LRRK1: variants seen among roughly 807,000 people sequenced by gnomAD.
LRRK1 encodes the protein leucine rich repeat kinase 1, also known as leucine-rich repeat serine/threonine-protein kinase 1.
LRRK1 carries 113 observed loss-of-function variants against 209.1 expected under a neutral mutation model. The observed-to-expected ratio is 0.54, with a 90% CI of 0.46 to 0.63. The LOEUF (loss-of-function observed/expected upper bound fraction) is 0.63, where lower values mean the gene tolerates loss of function less well. Ranked by LOEUF, LRRK1 falls within the 30% of genes least tolerant of loss-of-function variation. The pLI is 0.00. For synonymous variants in LRRK1, 1,144 were observed against 1,099.7 expected (o/e 1.04, Z -0.80); for missense variants, 2,284 against 2,632.2 (o/e 0.87, Z 2.89).
chr15:101,062,526 A>C, intron 30 of LRRK1, 48 bp from the exon 31 acceptor site: 2 of 1,334,220 alleles, frequency 1.5e-6, no homozygotes, highest in Non-Finnish European at 2.2e-6. Context: ...GGGAAATGCC[A>C]GACACTTTCC....
chr15:100,924,426 A>T (rs2042072727), intron 1 of LRRK1, 85 bp from the exon 2 acceptor site: 1 of 571,900 alleles, frequency 1.7e-6, no homozygotes, highest in East Asian at 2.9e-5. Context: ...GCAGAGGGAA[A>T]ACTAAATGAA....
chr15:101,002,726 C>A (rs1481573857), intron 6 of LRRK1, among the ~76,000 whole-genome samples: 1 of 150,430 alleles, frequency 6.6e-6, no homozygotes, highest in East Asian at 1.9e-4. Context: ...GCATGAACAT[C>A]TTTTTATTTA....
intron 2 of LRRK1, among the ~76,000 whole-genome samples, chr15:100,960,457 T>C (rs2029877341): frequency 6.6e-6 from 1 of 152,180 alleles, no homozygotes; most frequent in South Asian, 2.1e-4. Flanking sequence ...ATCTTCGAAT[T>C]GTACCATTTT....
intron 2 of LRRK1, among the ~76,000 whole-genome samples, chr15:100,927,052 C>G (rs1183474099): frequency 6.6e-6 from 1 of 152,188 alleles, no homozygotes; most frequent in African/African-American, 2.4e-5. Flanking sequence ...ATCAGGCCAT[C>G]TAAATGGTTT....
chr15:100,962,823 A>T (rs28536629), intron 2 of LRRK1, among the ~76,000 whole-genome samples: 602 of 11,488 alleles, frequency 0.052, 77 homozygotes, highest in African/African-American at 0.13. Context: ...ATATATATAT[A>T]TTTTTTTTTT....
chr15:100,985,002 G>C (rs1302169384), intron 4 of LRRK1, among the ~76,000 whole-genome samples: 35 of 152,222 alleles, frequency 2.3e-4, no homozygotes, highest in Non-Finnish European at 1.5e-5. Context: ...AATGTTTCAT[G>C]ATTTTTAAAC....
chr15:101,008,893 C>T lies in LRRK1; in HGVS notation c.819C>T (p.Leu273=), dbSNP rs764516618. ...LRLPWVDLDW[L]IDISCQITEL... ...TGCCCTGGGTAGACCTAGACTGGCT[C>T]ATAGACATCTCCTGCCAGATCACGG... is the stretch of plus-strand genomic sequence containing the variant. The change falls in exon 7 of 34, where the codon CTC becomes CTT. Residue 273 remains leucine (L), a synonymous_variant. Coordinates refer to ENST00000388948, the MANE Select transcript of LRRK1 (RefSeq NM_024652.6). 3 of 1,614,244 alleles carry T rather than the reference C, an allele frequency of 1.9e-6. No homozygotes were observed. Among genetic ancestry groups the T allele is most frequent in the East Asian group, 4.5e-5 (2 of 44,886 alleles).
intron 28 of LRRK1, 108 bp downstream of exon 28, chr15:101,057,158 C>A: frequency 1.2e-6 from 1 of 864,718 alleles, no homozygotes; most frequent in Non-Finnish European, 1.7e-6. Flanking sequence ...ATTGGCAACC[C>A]TTCTCTGCTC....
chr15:100,989,676 A>C, intron 6 of LRRK1: 4 of 564,046 alleles, frequency 7.1e-6, no homozygotes, highest in East Asian at 2.8e-5. Context: ...AACAACATCA[A>C]TCCATTTATG....
intron 2 of LRRK1, among the ~76,000 whole-genome samples, chr15:100,973,586 C>A (rs1419453349): frequency 6.6e-6 from 1 of 152,188 alleles, no homozygotes; most frequent in South Asian, 2.1e-4. Context: ...ATCCTCCGAG[C>A]TGCGCTCGCC....
At chr15:101,007,804 C>T (rs2033032509) in intron 6 of LRRK1, among the ~76,000 whole-genome samples, 1 of 152,146 alleles carries the variant, frequency 6.6e-6, no homozygotes, top group African/African-American at 2.4e-5. Context: ...CAGTTATTAA[C>T]CAAGTCCTGG....
chr15:101,033,753 C>T (rs189932797), intron 20 of LRRK1, among the ~76,000 whole-genome samples: 23 of 152,100 alleles, frequency 1.5e-4, no homozygotes, highest in Admixed American at 9.8e-4. Flanking sequence ...CCTTTAATAC[C>T]TGGGTTCTTT....
chr15:100,977,738 G>A (rs1252932907), intron 3 of LRRK1, among the ~76,000 whole-genome samples: 4 of 152,170 alleles, frequency 2.6e-5, no homozygotes, highest in Non-Finnish European at 5.9e-5. Context: ...CCAGAGTGGC[G>A]TCAGAGGAGA....
chr15:101,052,891 G>C (rs375100184), intron 24 of LRRK1, 31 bp from the exon 25 acceptor site: 2 of 1,596,082 alleles, frequency 1.3e-6, no homozygotes, highest in Admixed American at 3.4e-5. Context: ...AGGGCGGGGG[G>C]GATGTGGCTG....
chr15:101,056,286 G>C (rs140619346), intron 27 of LRRK1, among the ~76,000 whole-genome samples: 2 of 152,290 alleles, frequency 1.3e-5, no homozygotes, highest in Admixed American at 1.3e-4. Context: ...AACACTTTTA[G>C]TACCAAGCAC....
At chr15:101,008,714 C>A in intron 6 of LRRK1, 123 bp from the exon 7 acceptor site, 1 of 762,714 alleles carries the variant, frequency 1.3e-6, no homozygotes, top group Non-Finnish European at 2.2e-6. Flanking sequence ...GTGCAGGCCT[C>A]TTGGGACCCG....
chr15:100,983,408 G>A (rs926695143), intron 3 of LRRK1, 120 bp from the exon 4 acceptor site: 15 of 877,894 alleles, frequency 1.7e-5, no homozygotes, highest in Non-Finnish European at 2.4e-5. Flanking sequence ...GGCAGGTGCT[G>A]CCGTTCTGGA....
chr15:101,053,008 G>A lies in LRRK1; in HGVS notation c.3776G>A (p.Arg1259Gln), dbSNP rs200606953. 2.0e-4 allele frequency: 319 copies of A among 1,613,072 alleles called. 2 individuals carry two copies. Among genetic ancestry groups the A allele is most frequent in the Middle Eastern group, 6.6e-4 (4 of 6,058 alleles). Residue 1259 changes from arginine to glutamine, a missense_variant, in exon 25 of 34, where the codon CGG becomes CAG. By Grantham distance (43) the Arg-to-Gln change is conservative. Transcript: ENST00000388948. ...GGCGGCAGTGGCACCGTCATCTACC[G>A]GGCCCGGTACCAGGGCCAGCCTGTG... ...GQGGSGTVIY[R>Q]ARYQGQPVAV...
intron 1 of LRRK1, among the ~76,000 whole-genome samples, chr15:100,921,876 C>T (rs1182411933): frequency 2.6e-5 from 4 of 152,140 alleles, no homozygotes; most frequent in African/African-American, 9.7e-5. Flanking sequence ...CACCAGCATG[C>T]CCAGCTAATT....
Sources: allele counts gnomAD v4.1 joint callset (sites outside exome capture counted in the v4.1 genomes callset), GRCh38; gene constraint gnomAD v4.1.1; transcripts MANE v1.5; gene names NCBI Gene and HGNC (gene_info 2026-07-23, HGNC 2026-07-21).